The following MAGI1 variants were observed in gnomAD, a reference collection of about 807,000 sequenced individuals.
MAGI1 encodes the protein membrane associated guanylate kinase, WW and PDZ domain containing 1.
A neutral mutation model predicts 139.9 loss-of-function variants in MAGI1; 58 were observed. The ratio of observed to expected loss-of-function variants is 0.41; its 90% CI spans 0.34 to 0.52. The LOEUF (loss-of-function observed/expected upper bound fraction) is 0.52. Among genes scored for constraint, MAGI1 ranks in the 20% least tolerant of loss-of-function variants. The probability of loss-of-function intolerance (pLI) is 0.12; values close to 1 mark genes in which losing one functional copy is unlikely to be tolerated. For missense variants in MAGI1, 1,874 were observed against 1,901.6 expected, an observed-to-expected ratio of 0.99 and a Z score of 0.27; for synonymous variants, 812 against 737.9, an observed-to-expected ratio of 1.10 and a Z score of -1.63.
chr3:65,448,456 G>C (rs1479205635), intron 6 of MAGI1, among the ~76,000 whole-genome samples: 1 of 152,044 alleles, frequency 6.6e-6, no homozygotes, highest in South Asian at 2.1e-4. Flanking sequence ...CCTCTAATCA[G>C]TGAGGCAATT....
At chr3:65,718,527 C>T (rs746006184) in intron 1 of MAGI1, 7 of 152,096 alleles carry the variant, frequency 4.6e-5, no homozygotes, top group African/African-American at 7.2e-5. Flanking sequence ...AAATCACAGG[C>T]GGTTCACTTT....
intron 1 of MAGI1, among the ~76,000 whole-genome samples, chr3:65,815,513 C>A (rs1258353071): frequency 6.6e-6 from 1 of 152,056 alleles, no homozygotes; most frequent in Non-Finnish European, 1.5e-5. Context: ...CTTAATTCGT[C>A]ATTGGATATA....
Position 65,356,930 on chromosome 3 carries a change from G to A in MAGI1, c.3837C>T (p.His1279=), listed in dbSNP as rs1940233691. 6.2e-7 allele frequency: 1 copy of A among 1,614,052 alleles called. No individual in the cohort carries two copies. The highest frequency in any genetic ancestry group is 8.5e-7 in the Non-Finnish European group (1 of 1,180,022). ...SREYSRQPNE[H]HTWNGTSRKP... is the part of the protein sequence containing the mutation. The stretch of plus-strand genomic sequence containing the variant: ...TCCTCGAAGTCCCATTCCAGGTGTG[G>A]TGTTCATTGGGTTGTCTGCTATACT... Residue 1279 remains histidine (H), a synonymous_variant, in exon 23 of 23, where the codon CAC becomes CAT. Transcript: ENST00000402939.
intron 1 of MAGI1, among the ~76,000 whole-genome samples, chr3:65,785,388 A>G (rs1452322702): frequency 1.3e-5 from 2 of 152,162 alleles, no homozygotes; most frequent in Non-Finnish European, 2.9e-5. Flanking sequence ...CAACACATTA[A>G]AGACAATAGT....
chr3:65,494,697 T>A (rs544772206), intron 2 of MAGI1, among the ~76,000 whole-genome samples: 2 of 152,244 alleles, frequency 1.3e-5, no homozygotes, highest in Non-Finnish European at 1.5e-5. Context: ...TGAAATGTAA[T>A]GCAATTAAAT....
At chr3:65,637,848 G>T (rs965716991) in intron 1 of MAGI1, among the ~76,000 whole-genome samples, 1 of 152,104 alleles carries the variant, frequency 6.6e-6, no homozygotes, top group East Asian at 1.9e-4. Context: ...TAGCAGTTAT[G>T]ATTCTTTGAA....
intron 2 of MAGI1, among the ~76,000 whole-genome samples, chr3:65,580,052 C>A (rs1470551206): frequency 6.6e-6 from 1 of 152,096 alleles, no homozygotes; most frequent in East Asian, 1.9e-4. Flanking sequence ...TATCCCAAGT[C>A]CAGGACTTAA....
chr3:65,605,241 G>A (rs940667931), intron 2 of MAGI1, among the ~76,000 whole-genome samples: 1 of 152,138 alleles, frequency 6.6e-6, no homozygotes, highest in Admixed American at 6.5e-5. Flanking sequence ...AACCTGTGCT[G>A]GTATCATCCT....
At chr3:65,627,081 C>T (rs982926584) in intron 1 of MAGI1, among the ~76,000 whole-genome samples, 1 of 152,192 alleles carries the variant, frequency 6.6e-6, no homozygotes, top group Non-Finnish European at 1.5e-5. Flanking sequence ...TACCATGGGT[C>T]CAAAATTACA....
intron 1 of MAGI1, among the ~76,000 whole-genome samples, chr3:65,957,350 CAAA>C (rs1174740233): frequency 1.1e-5 from 1 of 91,510 alleles, no homozygotes; most frequent in Non-Finnish European, 2.1e-5. Context: ...CCTGTCTCTA[CAAA>C]AAAAAAAAAA....
chr3:65,650,123 A>T (rs1448089944), intron 1 of MAGI1, among the ~76,000 whole-genome samples: 4 of 152,202 alleles, frequency 2.6e-5, no homozygotes, highest in African/African-American at 9.6e-5. Flanking sequence ...CTGGTTCCTC[A>T]TAAAAGGATG....
chr3:65,651,852 T>TA (rs1171806791), intron 1 of MAGI1, among the ~76,000 whole-genome samples: 3 of 152,320 alleles, frequency 2.0e-5, no homozygotes, highest in Non-Finnish European at 1.5e-5. Context: ...TCAAAGTGAC[T>TA]ACATTTCAGA....
At chr3:65,679,063 G>C (rs930742785) in intron 1 of MAGI1, among the ~76,000 whole-genome samples, 1 of 151,978 alleles carries the variant, frequency 6.6e-6, no homozygotes, top group Non-Finnish European at 1.5e-5. Context: ...TTTCTCGTCA[G>C]CTAAGCATAT....
intron 22 of MAGI1, chr3:65,359,712 C>G (rs1940604178): frequency 1.0e-6 from 1 of 985,148 alleles, no homozygotes; most frequent in East Asian, 1.1e-4. Flanking sequence ...GTAGCACAAC[C>G]CTGTGGCAGG....
intron 2 of MAGI1, among the ~76,000 whole-genome samples, chr3:65,611,054 T>C (rs1365950116): frequency 1.5e-5 from 2 of 136,798 alleles, no homozygotes; most frequent in Non-Finnish European, 3.1e-5. Context: ...TATACATATA[T>C]ACATACATAT....
chr3:65,359,918 TAC>T (rs1940631147), intron 22 of MAGI1: 1 of 985,354 alleles, frequency 1.0e-6, no homozygotes, highest in Non-Finnish European at 1.2e-6. Context: ...GAGACAATGT[TAC>T]ACAGTTTCAG....
chr3:65,619,990 G>A (rs2083579807), intron 2 of MAGI1: 3 of 985,364 alleles, frequency 3.0e-6, no homozygotes, highest in Non-Finnish European at 2.4e-6. Flanking sequence ...TTAAAAGACA[G>A]AGTTCGTTTT....
chr3:65,359,782 T>C (rs1940612991), intron 22 of MAGI1: 2 of 985,670 alleles, frequency 2.0e-6, no homozygotes, highest in Non-Finnish European at 2.4e-6. Context: ...CCAAAGAACA[T>C]TTGTTAGTGT....
intron 2 of MAGI1, among the ~76,000 whole-genome samples, chr3:65,509,360 A>G (rs1186929233): frequency 1.3e-5 from 2 of 152,180 alleles, no homozygotes; most frequent in Non-Finnish European, 2.9e-5. Context: ...GCGACGCAGA[A>G]GACGGGTGAT....
Sources: allele counts gnomAD v4.1 joint callset (sites outside exome capture counted in the v4.1 genomes callset), GRCh38; gene constraint gnomAD v4.1.1; transcripts MANE v1.5; gene names NCBI Gene and HGNC (gene_info 2026-07-23, HGNC 2026-07-21).